The following SYNE2 variants were observed in gnomAD, a reference collection of about 807,000 sequenced individuals.
SYNE2 encodes the protein spectrin repeat containing nuclear envelope protein 2, also known as nesprin-2.
A neutral mutation model predicts 856.3 loss-of-function variants in SYNE2; 431 were observed. That is an observed-to-expected ratio of 0.50 (90% CI 0.47 to 0.55). The LOEUF (loss-of-function observed/expected upper bound fraction) is 0.55, where lower values mean the gene tolerates loss of function less well. Ranked by LOEUF, SYNE2 falls within the 20% of genes least tolerant of loss-of-function variation. The probability of loss-of-function intolerance (pLI) is 0.00; values close to 1 mark genes in which losing one functional copy is unlikely to be tolerated. For missense variants in SYNE2, 8,129 were observed against 8,023.2 expected, an observed-to-expected ratio of 1.01 and a Z score of -0.50; for synonymous variants, 2,923 against 2,872.3, an observed-to-expected ratio of 1.02 and a Z score of -0.56.
intron 56 of SYNE2, 111 bp from the exon 57 acceptor site, chr14:64,081,332 T>G (rs2097522272): frequency 7.3e-7 from 1 of 1,363,852 alleles, no homozygotes. Flanking sequence ...GGAGCAGACA[T>G]CTGCAAGGCC....
chr14:64,127,215 CACACG>C (rs2097955553), intron 73 of SYNE2, among the ~76,000 whole-genome samples: 1 of 151,804 alleles, frequency 6.6e-6, no homozygotes, highest in South Asian at 2.1e-4. Flanking sequence ...GAGCTGAGAT[CACACG>C]ACTGCACTCC....
At chr14:64,190,961 C>T (rs776082218) in intron 99 of SYNE2, 11 of 702,194 alleles carry the variant, frequency 1.6e-5, no homozygotes, top group East Asian at 2.7e-5. Context: ...TGGCATACAG[C>T]GAACCGTCAC....
Position 64,140,040 on chromosome 14 carries a change from G to C in SYNE2, c.14943G>C (p.Leu4981Phe), listed in dbSNP as rs2098127535. 1.2e-6 allele frequency: 2 copies of C among 1,613,758 alleles called. No individual in the cohort carries two copies. Among genetic ancestry groups the C allele is most frequent in the Admixed American group, 3.3e-5 (2 of 59,984 alleles). Residue 4981 changes from leucine (L) to phenylalanine (F), a missense_variant, in exon 80 of 116, where the codon TTG becomes TTC. Leu to Phe is a conservative substitution (Grantham distance 22). Transcript: ENST00000555002. ...KEQSLNVSQD[L>F]DTIRSNINNF... The stretch of plus-strand genomic sequence containing the variant: ...AGTCCCTCAATGTGTCTCAGGACTT[G>C]GATACAATCAGAAGCAACATCAACA...
chr14:63,827,263 G>A (rs1400826564), intron 1 of SYNE2, among the ~76,000 whole-genome samples: 1 of 137,710 alleles, frequency 7.3e-6, no homozygotes, highest in Middle Eastern at 3.6e-3. Flanking sequence ...GGGTGACAGA[G>A]CAAGACTCTG....
In SYNE2 at chr14:64,209,867, C is replaced by T. The variant is rs2098630732; in HGVS notation, c.18541-75C>T. On this transcript the variant is annotated intron_variant, in intron 102 of 115. Transcript: ENST00000555002. ...GGGATGAACCCCTGGCAGCAGGTCG[C>T]TTGGGATGTAGAAGGGAAGGAGGGC... The T allele has an allele frequency of 5.6e-6, 9 of 1,601,278 alleles. No individual in the cohort carries two copies. The South Asian group carries it at 9.9e-5, about 18-fold the overall frequency.
chr14:63,953,716 G>A (rs940535452), intron 7 of SYNE2, among the ~76,000 whole-genome samples: 1 of 152,000 alleles, frequency 6.6e-6, no homozygotes, highest in African/African-American at 2.4e-5. Context: ...TTCCTTTTGC[G>A]AAACTGTACC....
chr14:64,141,814 T>C, intron 81 of SYNE2, 128 bp from the exon 82 acceptor site: 1 of 1,279,302 alleles, frequency 7.8e-7, no homozygotes, highest in Admixed American at 2.5e-5. Flanking sequence ...CTGGGTTTGT[T>C]TTTTTTTTGA....
intron 45 of SYNE2, among the ~76,000 whole-genome samples, chr14:64,034,819 C>T (rs578239531): frequency 6.6e-6 from 1 of 151,812 alleles, no homozygotes. Context: ...AGTGAAGCAG[C>T]AGATTAGGAT....
intron 45 of SYNE2, among the ~76,000 whole-genome samples, chr14:64,039,357 T>C (rs2097129504): frequency 6.6e-6 from 1 of 152,170 alleles, no homozygotes; most frequent in Non-Finnish European, 1.5e-5. Context: ...TGTGCTAACA[T>C]GTTGGCCAAG....
intron 18 of SYNE2, among the ~76,000 whole-genome samples, chr14:63,985,346 AAAG>A (rs2153478112): frequency 6.6e-6 from 1 of 151,774 alleles, no homozygotes; most frequent in African/African-American, 2.4e-5. Flanking sequence ...AAAAAAAAAA[AAAG>A]AGTGTATCTG....
intron 108 of SYNE2, 88 bp downstream of exon 108, chr14:64,216,475 T>C (rs2098667159): frequency 7.1e-7 from 1 of 1,403,856 alleles, no homozygotes; most frequent in Admixed American, 1.7e-5. Flanking sequence ...GTAAACTGCG[T>C]GTATTCATTC....
At chr14:64,017,926 T>C (rs550237383) in intron 34 of SYNE2, among the ~76,000 whole-genome samples, 170 bp downstream of exon 34, 1 of 152,346 alleles carries the variant, frequency 6.6e-6, no homozygotes, top group African/African-American at 2.4e-5. Flanking sequence ...CCCTTACCAA[T>C]ACTTTGAAAG....
rs1170021740 is a variant in SYNE2 at position 64,102,497 on chromosome 14, C to T, written c.12492+455C>T. ...TGCTTAGGGAGGGAACCTGCATGGG[C>T]TGAATTTTTTTTTTTTTTTTTTTTT... is the stretch of plus-strand genomic sequence containing the variant. On this transcript the variant is annotated intron_variant, in intron 64 of 115. Coordinates refer to ENST00000555002, the MANE Select transcript of SYNE2 (RefSeq NM_182914.3). Among the ~76,000 whole-genome samples the T allele has an allele frequency of 3.6e-5, 5 of 138,110 alleles. No homozygotes were observed. The East Asian group carries it at 8.4e-4, about 23-fold the overall frequency. The allele number at this position is 138,110 out of a possible 152,430, so 90.6% of individuals were successfully genotyped here.
intron 115 of SYNE2, 30 bp downstream of exon 115, chr14:64,225,075 G>T: frequency 1.2e-6 from 2 of 1,610,260 alleles, no homozygotes; most frequent in Non-Finnish European, 1.7e-6. Context: ...ACAGCAGTGC[G>T]TTCCCCTGCT....
chr14:64,125,804 T>G (rs1458375937), intron 71 of SYNE2, among the ~76,000 whole-genome samples: 1 of 152,216 alleles, frequency 6.6e-6, no homozygotes, highest in East Asian at 1.9e-4. Flanking sequence ...CACCTAAGCC[T>G]TGATTCTCAC....
At chr14:63,966,954 C>T (rs1347097585) in intron 10 of SYNE2, among the ~76,000 whole-genome samples, 1 of 152,066 alleles carries the variant, frequency 6.6e-6, no homozygotes, top group Admixed American at 6.5e-5. Context: ...CAACCTCTGC[C>T]TCCCTGGTTC....
intron 63 of SYNE2, 46 bp downstream of exon 63, chr14:64,098,867 C>T: frequency 6.4e-7 from 1 of 1,569,596 alleles, no homozygotes; most frequent in Non-Finnish European, 8.8e-7. Flanking sequence ...AACCAGATCT[C>T]TAAAAGAAGT....
chr14:64,195,300 T>G (rs763041489), intron 99 of SYNE2, among the ~76,000 whole-genome samples: 1 of 152,226 alleles, frequency 6.6e-6, no homozygotes, highest in African/African-American at 2.4e-5. Context: ...ATCTGTACTT[T>G]CTAAATGTTC....
intron 99 of SYNE2, among the ~76,000 whole-genome samples, chr14:64,201,406 T>C (rs1023683722): frequency 1.5e-4 from 23 of 152,212 alleles, no homozygotes; most frequent in African/African-American, 5.3e-4. Context: ...CACCAGGCCC[T>C]GTGGGAGGTG....
Sources: gnomAD v4.1 joint callset for allele counts (sites outside exome capture counted in the v4.1 genomes callset) on GRCh38, gnomAD v4.1.1 for gene constraint, MANE v1.5 for transcripts, NCBI Gene and HGNC (gene_info 2026-07-23, HGNC 2026-07-21) for gene names.